The following NBPF15 variants were observed in gnomAD, a reference collection of about 807,000 sequenced individuals.
NBPF15 encodes the protein NBPF member 15.
In NBPF15, 74 loss-of-function variants were observed where a neutral mutation model predicts 62.2. The ratio of observed to expected loss-of-function variants is 1.19; its 90% CI spans 0.99 to 1.44. The LOEUF (loss-of-function observed/expected upper bound fraction) is 1.44, where lower values mean the gene tolerates loss of function less well. NBPF15 is among the 40% of genes most tolerant of loss of function. The pLI is 0.00. For missense variants in NBPF15, 790 were observed against 550.0 expected (o/e 1.44, Z -4.36); for synonymous variants, 244 against 209.7 (o/e 1.16, Z -1.41).
chr1:144,423,408 G>C (rs1212004069), intron 21 of NBPF15, 152 bp from the exon 22 acceptor site: 21 of 1,527,256 alleles, frequency 1.4e-5, no homozygotes, highest in Non-Finnish European at 1.9e-5. Context: ...TTGCCTTTAT[G>C]TTGGGATAGA....
chr1:144,451,843 T>A (rs763789351), intron 4 of NBPF15, among the ~76,000 whole-genome samples: 8 of 151,274 alleles, frequency 5.3e-5, no homozygotes, highest in Non-Finnish European at 8.8e-5. Flanking sequence ...AGTAACAATC[T>A]GATATCTCTT....
At position 144,426,427 on chromosome 1, in the gene NBPF15, T is replaced by G; in HGVS notation, c.1289A>C (p.Glu430Ala). The part of the protein sequence containing the change: ...CPRLSRELLD[E>A]KEPEVLQDSL... ...GTCCTGCAAGACTTCAGGCTCTTTC[T>G]CATCCAGCAGCTCCCTGCTGAGCCT... is the stretch of plus-strand genomic sequence containing the variant. The change falls in exon 18 of 22, where the codon GAG becomes GCG. Residue 430 changes from glutamate (E) to alanine (A), a missense_variant. Glu to Ala is a moderately radical substitution (Grantham distance 107). Coordinates refer to ENST00000581897, the MANE Select transcript of NBPF15 (RefSeq NM_001385408.1). 3.7e-6 allele frequency: 3 copies of G among 800,556 alleles called. No homozygotes were observed. The highest frequency in any genetic ancestry group is 6.8e-6 in the Non-Finnish European group (3 of 440,474). 49.6% of individuals were successfully genotyped at this position (800,556 alleles called of 1,614,324 possible).
At position 144,452,181 on chromosome 1, in the gene NBPF15, C is replaced by T. The variant is rs186491932; in HGVS notation, c.-431-1311G>A. On this transcript the variant is annotated intron_variant, in intron 4 of 21. Transcript: ENST00000581897. ...AAAAAAAGATAAAATAAAATAAAGA[C>T]GGTTCACTACTTCAAATATTATTAT... is the stretch of plus-strand genomic sequence containing the variant. Among the ~76,000 whole-genome samples the T allele has an allele frequency of 1.6e-3, 237 of 152,086 alleles. 2 individuals are homozygous for T. The highest frequency in any genetic ancestry group is 5.3e-3 in the African/African-American group (220 of 41,484).
chr1:144,457,966 A>G (rs1229935007), intron 3 of NBPF15, among the ~76,000 whole-genome samples: 1 of 151,816 alleles, frequency 6.6e-6, no homozygotes, highest in Non-Finnish European at 1.5e-5. Context: ...GCATGCCTGT[A>G]GACCCAGCTA....
chr1:144,424,078 T>C lies in NBPF15; in HGVS notation c.1664-103A>G, dbSNP rs1321517309. 5.3e-6 allele frequency: 4 copies of C among 757,550 alleles called. No homozygotes were observed. In the African/African-American group the frequency reaches 6.8e-5, roughly 13 times the overall value. 46.9% of individuals were successfully genotyped at this position (757,550 alleles called of 1,614,324 possible). A position where few individuals can be genotyped will look rare whatever the true frequency, so the allele number is the denominator to read the frequency against. On this transcript the variant is annotated intron_variant, in intron 20 of 21. Transcript: ENST00000581897. Reference sequence around the variant, plus strand: ...CACAGGGACCTCAGGCTCCTCAGCATAAGAATACGACACCATGAGAGATAT... The same window carrying C: ...CACAGGGACCTCAGGCTCCTCAGCACAAGAATACGACACCATGAGAGATAT...
intron 4 of NBPF15, among the ~76,000 whole-genome samples, chr1:144,453,227 T>G (rs1451340163): frequency 2.0e-5 from 3 of 150,516 alleles, no homozygotes; most frequent in African/African-American, 7.3e-5. Flanking sequence ...AGAGACAATT[T>G]AAAACAGCAA....
At chr1:144,444,825 C>T (rs1315382320) in intron 6 of NBPF15, among the ~76,000 whole-genome samples, 3 of 151,900 alleles carry the variant, frequency 2.0e-5, no homozygotes, top group Non-Finnish European at 4.4e-5. Flanking sequence ...AATAGCAGCC[C>T]GCCCCTCAGG....
chr1:144,426,593 A>T (rs1406425162), intron 17 of NBPF15, 143 bp from the exon 18 acceptor site: 3 of 707,166 alleles, frequency 4.2e-6, no homozygotes, highest in Admixed American at 4.1e-5. Flanking sequence ...TATTGCCTTT[A>T]TGTTGGGATA....
chr1:144,431,475 G>GTATATA (rs878998903), intron 13 of NBPF15, among the ~76,000 whole-genome samples: 1 of 147,706 alleles, frequency 6.8e-6, no homozygotes, highest in South Asian at 2.1e-4. Flanking sequence ...TTGTGTGTAT[G>GTATATA]TATATATATA....
At chr1:144,442,328 T>TAC (rs1684066996) in intron 6 of NBPF15, among the ~76,000 whole-genome samples, 1 of 133,968 alleles carries the variant, frequency 7.5e-6, no homozygotes, top group Non-Finnish European at 1.6e-5. Context: ...TATATATATA[T>TAC]ACACGTGTGC....
In NBPF15 at chr1:144,438,992, T is replaced by C. The variant is rs1234989454; in HGVS notation, c.175+837A>G. On this transcript the variant is annotated intron_variant, in intron 8 of 21. Coordinates refer to ENST00000581897, the MANE Select transcript of NBPF15 (RefSeq NM_001385408.1). The stretch of plus-strand genomic sequence containing the variant: ...TCTTATTTTTATTTATCATTATTAT[T>C]ATTATTTTTTTTTAACAGTCTTGCC... Among the ~76,000 whole-genome samples, 3 of 151,422 alleles carry C rather than the reference T, an allele frequency of 2.0e-5. 1 individual carries two copies. Among genetic ancestry groups the C allele is most frequent in the Non-Finnish European group, 4.4e-5 (3 of 67,952 alleles).
At position 144,458,184 on chromosome 1, in the gene NBPF15, G is replaced by A. The variant is rs587776175; in HGVS notation, c.-701+1182C>T. On this transcript the variant is annotated intron_variant, in intron 3 of 21. Coordinates refer to ENST00000581897, the MANE Select transcript of NBPF15 (RefSeq NM_001385408.1). Reference sequence around the variant, plus strand: ...ACGTCGGCCCTTTAAATGGCTTAACGCTTATTTAGGTACGATCCATAAAGT... The same window carrying A: ...ACGTCGGCCCTTTAAATGGCTTAACACTTATTTAGGTACGATCCATAAAGT... Among the ~76,000 whole-genome samples, 301 of 152,034 alleles carry A rather than the reference G, an allele frequency of 2.0e-3. 5 individuals carry two copies. The highest frequency in any genetic ancestry group is 3.5e-3 in the Non-Finnish European group (235 of 67,958).
intron 15 of NBPF15, among the ~76,000 whole-genome samples, 181 bp from the exon 16 acceptor site, chr1:144,428,171 A>G (rs75257620): frequency 1.4e-5 from 2 of 144,386 alleles, no homozygotes; most frequent in Non-Finnish European, 3.0e-5. Context: ...AAAGGATGAA[A>G]GAGAAAGACA....
chr1:144,459,695 C>G (rs1383851400), intron 2 of NBPF15, among the ~76,000 whole-genome samples: 2 of 151,710 alleles, frequency 1.3e-5, no homozygotes, highest in Non-Finnish European at 2.9e-5. Flanking sequence ...AGGCACTTCA[C>G]AAAAGAGGAC....
Position 144,422,726 on chromosome 1 carries a change from G to A in NBPF15, c.*287C>T. ...CATGCCTGCAAAATGAAATCCCTGA[G>A]GAATTTTGTAGCTACCCAGAGATAC... On this transcript the variant is annotated 3_prime_UTR_variant, in exon 22 of 22. Coordinates refer to ENST00000581897, the MANE Select transcript of NBPF15 (RefSeq NM_001385408.1). 3 of 612,350 alleles carry A rather than the reference G, an allele frequency of 4.9e-6. No homozygotes were observed. The highest frequency in any genetic ancestry group is 4.6e-4 in the Middle Eastern group (1 of 2,192). 37.9% of individuals were successfully genotyped at this position (612,350 alleles called of 1,614,324 possible).
intron 4 of NBPF15, 129 bp downstream of exon 4, chr1:144,456,408 A>C: frequency 1.2e-6 from 1 of 821,668 alleles, no homozygotes; most frequent in African/African-American, 1.8e-5. Flanking sequence ...ATATTAATTC[A>C]GTATCTGTTT....
At chr1:144,433,157 C>G (rs1675754699) in intron 13 of NBPF15, among the ~76,000 whole-genome samples, 2 of 152,026 alleles carry the variant, frequency 1.3e-5, no homozygotes, top group South Asian at 4.2e-4. Flanking sequence ...TCACTCAAAA[C>G]CGCACAACTA....
chr1:144,445,141 C>T (rs9438294), intron 6 of NBPF15, among the ~76,000 whole-genome samples: 1 of 151,322 alleles, frequency 6.6e-6, no homozygotes, highest in Non-Finnish European at 1.5e-5. Context: ...CCTATGCTAA[C>T]TGACCATTCA....
intron 4 of NBPF15, among the ~76,000 whole-genome samples, chr1:144,456,107 G>A (rs1571168128): frequency 6.6e-6 from 1 of 151,724 alleles, no homozygotes; most frequent in East Asian, 1.9e-4. Context: ...CCAGGACAGT[G>A]CAGGGCCTTA....
Sources: allele counts gnomAD v4.1 joint callset (sites outside exome capture counted in the v4.1 genomes callset), GRCh38; gene constraint gnomAD v4.1.1; transcripts MANE v1.5; gene names NCBI Gene and HGNC (gene_info 2026-07-23, HGNC 2026-07-21).